TNFRSF19: variants seen among roughly 807,000 people sequenced by gnomAD.
TNFRSF19 encodes the protein TNF receptor superfamily member 19.
TNFRSF19 carries 27 observed loss-of-function variants against 46.4 expected under a neutral mutation model. The observed-to-expected ratio is 0.58, with a 90% CI of 0.43 to 0.80. The LOEUF (loss-of-function observed/expected upper bound fraction) is 0.80. TNFRSF19 is among the 30% of genes least tolerant of loss of function. TNFRSF19 has a pLI of 0.00. For missense variants in TNFRSF19, 511 were observed against 530.8 expected (o/e 0.96, Z 0.37); for synonymous variants, 204 against 205.0 (o/e 1.00, Z 0.04).
At chr13:23,580,038 T>C (rs1219484310) in intron 1 of TNFRSF19, among the ~76,000 whole-genome samples, 3 of 152,132 alleles carry the variant, frequency 2.0e-5, no homozygotes, top group Non-Finnish European at 4.4e-5. Context: ...AAGAGTTCCT[T>C]AGAGTTCAGC....
In TNFRSF19 at chr13:23,623,042, T is replaced by C. The variant is rs144308444; in HGVS notation, c.360-3665T>C. 7.1e-3 allele frequency among the ~76,000 whole-genome samples: 1,077 copies of C among 152,322 alleles called. 11 individuals carry two copies. The highest frequency in any genetic ancestry group is 0.024 in the African/African-American group (999 of 41,570). On this transcript the variant is annotated intron_variant, in intron 4 of 9. Coordinates refer to ENST00000248484, the MANE Select transcript of TNFRSF19 (RefSeq NM_148957.4). The stretch of plus-strand genomic sequence containing the variant: ...GTAGAGTTAAGTATATTCACATTGT[T>C]GTGAAACAGATCTCCAGAACTTTTT...
intron 5 of TNFRSF19, among the ~76,000 whole-genome samples, chr13:23,658,319 T>TC (rs368878524): frequency 6.6e-6 from 1 of 152,162 alleles, no homozygotes; most frequent in Non-Finnish European, 1.5e-5. Context: ...AACTTGAAAT[T>TC]CCAGTCAGTG....
chr13:23,639,710 G>A (rs1012900727), intron 5 of TNFRSF19, among the ~76,000 whole-genome samples: 3 of 152,212 alleles, frequency 2.0e-5, no homozygotes, highest in Non-Finnish European at 4.4e-5. Flanking sequence ...AGTGGTCTGC[G>A]TGCCCTGACC....
At chr13:23,611,740 T>A (rs1880922614) in intron 3 of TNFRSF19, among the ~76,000 whole-genome samples, 2 of 152,196 alleles carry the variant, frequency 1.3e-5, no homozygotes, top group African/African-American at 2.4e-5. Context: ...CAAAAAAGAT[T>A]TGATACTATT....
At chr13:23,583,598 T>G (rs757869188) in intron 1 of TNFRSF19, among the ~76,000 whole-genome samples, 2 of 152,146 alleles carry the variant, frequency 1.3e-5, no homozygotes, top group Non-Finnish European at 2.9e-5. Flanking sequence ...CAAAGGAACT[T>G]GTGTGTCTGA....
chr13:23,642,391 G>A (rs1883081751), intron 5 of TNFRSF19, among the ~76,000 whole-genome samples: 1 of 152,164 alleles, frequency 6.6e-6, no homozygotes, highest in East Asian at 1.9e-4. Flanking sequence ...AGTTTACTGT[G>A]TGCCAGGTTC....
chr13:23,596,682 TAGAC>T (rs1321196997), intron 3 of TNFRSF19, among the ~76,000 whole-genome samples: 1 of 152,128 alleles, frequency 6.6e-6, no homozygotes, highest in East Asian at 1.9e-4. Flanking sequence ...CTGTCAATAT[TAGAC>T]AGATCAACGA....
chr13:23,669,839 T>TAGG, intron 9 of TNFRSF19: 1 of 465,438 alleles, frequency 2.1e-6, no homozygotes, highest in Non-Finnish European at 2.8e-6. Flanking sequence ...TTGTAAACAT[T>TAGG]TCCTTAAATG....
chr13:23,574,883 G>T (rs960974619), intron 1 of TNFRSF19, among the ~76,000 whole-genome samples: 1 of 152,320 alleles, frequency 6.6e-6, no homozygotes, highest in Middle Eastern at 3.4e-3. Flanking sequence ...CACTTCTTTA[G>T]ATTAAGTAGG....
chr13:23,649,588 C>T (rs937690127), intron 5 of TNFRSF19, among the ~76,000 whole-genome samples: 3 of 151,734 alleles, frequency 2.0e-5, no homozygotes, highest in Non-Finnish European at 4.4e-5. Flanking sequence ...TCATTTGCTA[C>T]CTTTTAGCTT....
intron 3 of TNFRSF19, among the ~76,000 whole-genome samples, chr13:23,608,023 T>C (rs1880633599): frequency 6.6e-6 from 1 of 152,206 alleles, no homozygotes; most frequent in Non-Finnish European, 1.5e-5. Flanking sequence ...TAGTCAGGGC[T>C]GGCTGGGGCT....
chr13:23,661,929 A>G (rs1884392325), intron 7 of TNFRSF19, among the ~76,000 whole-genome samples: 1 of 152,140 alleles, frequency 6.6e-6, no homozygotes, highest in Non-Finnish European at 1.5e-5. Context: ...TAGATGCTGT[A>G]TATTAGACCT....
In TNFRSF19 at chr13:23,674,991, G is replaced by A. The variant is rs1025441383; in HGVS notation, c.*1611G>A. 3 of 152,114 alleles carry A rather than the reference G, an allele frequency of 2.0e-5. No homozygotes were observed. Among genetic ancestry groups the A allele is most frequent in the African/African-American group, 7.2e-5 (3 of 41,404 alleles). The allele number at this position is 152,114 out of a possible 1,614,324, so 9.4% of individuals were successfully genotyped here. On this transcript the variant is annotated 3_prime_UTR_variant, in exon 10 of 10. Coordinates refer to ENST00000248484, the MANE Select transcript of TNFRSF19 (RefSeq NM_148957.4). ...GACCTCAATTCCCTCACCTGAAATA[G>A]GAAATGAGAATGTTTCATTGTAGCC...
chr13:23,624,196 T>A (rs1881847452), intron 4 of TNFRSF19, among the ~76,000 whole-genome samples: 1 of 152,224 alleles, frequency 6.6e-6, no homozygotes, highest in Non-Finnish European at 1.5e-5. Flanking sequence ...ACCATATACA[T>A]GACGGTTTAC....
At chr13:23,599,847 T>G (rs11617034) in intron 3 of TNFRSF19, among the ~76,000 whole-genome samples, 39,341 of 151,452 alleles carry the variant, frequency 0.26, 5,640 homozygotes, top group African/African-American at 0.38. Flanking sequence ...TTCCATCCTG[T>G]CCTGAACTAG....
chr13:23,606,703 T>A (rs1880537461), intron 3 of TNFRSF19, among the ~76,000 whole-genome samples: 1 of 152,230 alleles, frequency 6.6e-6, no homozygotes, highest in South Asian at 2.1e-4. Flanking sequence ...TAGTTTTAGC[T>A]CATAATAAAT....
chr13:23,613,796 C>A (rs959765032), intron 3 of TNFRSF19, among the ~76,000 whole-genome samples: 5 of 152,180 alleles, frequency 3.3e-5, no homozygotes, highest in Admixed American at 3.3e-4. Flanking sequence ...CACAGCTCTC[C>A]CAGCAACCAA....
At chr13:23,657,102 T>G (rs1055388897) in intron 5 of TNFRSF19, among the ~76,000 whole-genome samples, 2 of 152,204 alleles carry the variant, frequency 1.3e-5, no homozygotes, top group African/African-American at 4.8e-5. Context: ...TCCTTTAAAA[T>G]GTATGATTGG....
chr13:23,584,872 G>T (rs1030172012), intron 1 of TNFRSF19, among the ~76,000 whole-genome samples: 1 of 152,176 alleles, frequency 6.6e-6, no homozygotes, highest in African/African-American at 2.4e-5. Flanking sequence ...TATGTAAGAA[G>T]AATGATTTTC....
Sources: gnomAD v4.1 joint callset for allele counts (sites outside exome capture counted in the v4.1 genomes callset) on GRCh38, gnomAD v4.1.1 for gene constraint, MANE v1.5 for transcripts, NCBI Gene and HGNC (gene_info 2026-07-23, HGNC 2026-07-21) for gene names.